Variants in SPTBN4 observed in about 807,000 individuals in gnomAD.
The protein encoded by SPTBN4 is spectrin beta chain, non-erythrocytic 4.
Under a neutral mutation model 277.8 loss-of-function variants are expected in SPTBN4, and 96 were observed. That is an observed-to-expected ratio of 0.35 (90% CI 0.29 to 0.41). The LOEUF is 0.41. Among genes scored for constraint, SPTBN4 ranks in the 10% least tolerant of loss-of-function variants. The pLI is 1.00. For synonymous variants in SPTBN4, 1,481 were observed against 1,580.3 expected (o/e 0.94, Z 1.49); for missense variants, 3,006 against 3,595.7 (o/e 0.84, Z 4.19).
At chr19:40,491,662 C>T (rs1384529630) in intron 4 of SPTBN4, among the ~76,000 whole-genome samples, 1 of 140,788 alleles carries the variant, frequency 7.1e-6, no homozygotes, top group Non-Finnish European at 1.5e-5. Flanking sequence ...GAATGTGAGC[C>T]GAGACCACAC....
At chr19:40,520,348 A>C (rs1050696977) in intron 16 of SPTBN4, among the ~76,000 whole-genome samples, 197 bp downstream of exon 16, 39 of 152,182 alleles carry the variant, frequency 2.6e-4, no homozygotes, top group African/African-American at 9.4e-4. Context: ...GTGTGTATGT[A>C]ACAGAATTTG....
rs192997758 is a variant in SPTBN4 at position 40,515,097 on chromosome 19, T to G, written c.2766-214T>G. On this transcript the variant is annotated intron_variant, in intron 14 of 35. Coordinates refer to ENST00000598249, the MANE Select transcript of SPTBN4 (RefSeq NM_020971.3). The surrounding 1 kb of genome is among the most constrained non-coding windows in gnomAD (Gnocchi z 4.1). ...TCCAGCCTGGGTGACAGAGCGAGAC[T>G]CTGTCTCAATACATACATACATAAA... Among the ~76,000 whole-genome samples, 199 of 152,154 alleles carry G rather than the reference T, an allele frequency of 1.3e-3. No homozygotes were observed. The highest frequency in any genetic ancestry group is 3.4e-3 in the Middle Eastern group (1 of 294).
rs530870873 is a variant in SPTBN4, at chr19:40,565,814, C to T, written c.6139+69C>T. 25 of 1,498,158 alleles carry T rather than the reference C, an allele frequency of 1.7e-5. No individual in the cohort carries two copies. The African/African-American group carries it at 2.9e-4, about 17-fold the overall frequency. The allele number at this position is 1,498,158 out of a possible 1,614,324, so 92.8% of individuals were successfully genotyped here. On this transcript the variant is annotated intron_variant, in intron 29 of 35. Transcript: ENST00000598249. The stretch of plus-strand genomic sequence containing the variant: ...ATGCTCCAGCCTGTCCAGCCAAGGC[C>T]CAGAGGGTGACAGGAGCATGCTTTG...
chr19:40,490,083 C>T lies in SPTBN4; in HGVS notation c.330C>T (p.Pro110=), dbSNP rs371135709. 3.7e-6 allele frequency: 6 copies of T among 1,609,506 alleles called. No individual in the cohort carries two copies. The African/African-American group carries it at 8.0e-5, about 22-fold the overall frequency. ...CGCCCCTGTCGCCCTAGCCCAGGCC[C>T]ACGCGCGGCCGCATGCGGATCCACT... ...EVLSGEQLPR[P]TRGRMRIHSL... The change falls in exon 4 of 36, where the codon CCC becomes CCT. Residue 110 remains proline, a synonymous_variant. Coordinates refer to ENST00000598249, the MANE Select transcript of SPTBN4 (RefSeq NM_020971.3). The surrounding 1 kb of genome is among the most constrained non-coding windows in gnomAD (Gnocchi z 4.3).
At chr19:40,549,447 G>C in intron 21 of SPTBN4, 34 bp downstream of exon 21, 1 of 1,277,108 alleles carries the variant, frequency 7.8e-7, no homozygotes, top group Admixed American at 3.2e-5. Context: ...GGCGGGGCGG[G>C]GCGGGGCGGT....
intron 22 of SPTBN4, among the ~76,000 whole-genome samples, chr19:40,550,758 A>T (rs766050982): frequency 3.3e-5 from 5 of 151,978 alleles, no homozygotes; most frequent in Non-Finnish European, 5.9e-5. Flanking sequence ...GCCTCAAGTG[A>T]TCCACTCGCC....
chr19:40,566,415 C>A, intron 30 of SPTBN4, 56 bp downstream of exon 30: 2 of 1,426,136 alleles, frequency 1.4e-6, no homozygotes, highest in Admixed American at 2.4e-5. Context: ...CCCCCACACC[C>A]ATGGCTCTAT....
chr19:40,544,127 C>CTTTTTTTTTTTT (rs10618096), intron 20 of SPTBN4, among the ~76,000 whole-genome samples: 18 of 128,884 alleles, frequency 1.4e-4, no homozygotes, highest in East Asian at 4.4e-4. Context: ...TCTTCTTCCT[C>CTTTTTTTTTTTT]TTTTTTTTTT....
chr19:40,568,369 A>T, intron 31 of SPTBN4, 87 bp downstream of exon 31: 1 of 1,447,204 alleles, frequency 6.9e-7, no homozygotes, highest in South Asian at 1.5e-5. Flanking sequence ...AAAGGGCTTC[A>T]GGGCTCAGAA....
Position 40,504,148 on chromosome 19 carries a change from CG to C in SPTBN4, c.1665+20del, listed in dbSNP as rs2080296923. ...GGAGATGCAGGTGCCGGCGGGGGGG[CG>C]GGGATGCGGGTGGAGTGCCAGGAGG... On this transcript the variant is annotated intron_variant, in intron 12 of 35. Transcript: ENST00000598249. The C allele has an allele frequency of 3.1e-6, 2 of 645,766 alleles. No homozygotes were observed. The highest frequency in any genetic ancestry group is 7.5e-5 in the African/African-American group (1 of 13,342). 40.0% of individuals were successfully genotyped at this position (645,766 alleles called of 1,614,324 possible).
chr19:40,546,239 AAAG>A (rs1301006869), intron 20 of SPTBN4, among the ~76,000 whole-genome samples: 4 of 151,202 alleles, frequency 2.6e-5, no homozygotes, highest in African/African-American at 7.3e-5. Context: ...AAAAAAAAAA[AAAG>A]AAAGAAAGAA....
At chr19:40,544,613 A>G (rs2080839728) in intron 20 of SPTBN4, among the ~76,000 whole-genome samples, 1 of 150,400 alleles carries the variant, frequency 6.6e-6, no homozygotes, top group Admixed American at 6.6e-5. Flanking sequence ...ACGCCTGGCT[A>G]ATTTTTTGTG....
chr19:40,565,720 C>T lies in SPTBN4; in HGVS notation c.6114C>T (p.Asp2038=). ...TRKEEVSEKW[D]RHWEWLQQML... ...AGGAGGAGGTGTCGGAAAAGTGGGA[C>T]CGCCATTGGGAGTGGCTGCAGCAGA... The change falls in exon 29 of 36, where the codon GAC becomes GAT. Residue 2038 remains aspartate, a synonymous_variant. Coordinates refer to ENST00000598249, the MANE Select transcript of SPTBN4 (RefSeq NM_020971.3). The T allele has an allele frequency of 6.4e-7, 1 of 1,553,520 alleles. No individual in the cohort carries two copies. Among genetic ancestry groups the T allele is most frequent in the Non-Finnish European group, 8.7e-7 (1 of 1,148,216 alleles).
intron 4 of SPTBN4, among the ~76,000 whole-genome samples, chr19:40,491,821 G>A (rs1006251778): frequency 1.3e-5 from 2 of 150,986 alleles, no homozygotes; most frequent in African/African-American, 2.4e-5. Context: ...TCAGGAGTTC[G>A]AGACAAGCCT....
chr19:40,570,527 G>A lies in SPTBN4; in HGVS notation c.7118G>A (p.Arg2373Gln), dbSNP rs929527066. ...PERTPRPDRP[R>Q]ARDRPKPRRR... is the part of the protein sequence containing the mutation. ...CGGACACCTCGGCCGGACCGGCCCC[G>A]GGCGCGGGACCGGCCCAAGCCGCGA... The change falls in exon 33 of 36, where the codon CGG becomes CAG. Residue 2373 changes from arginine (R) to glutamine (Q), a missense_variant. Arg to Gln is a conservative substitution (Grantham distance 43). Coordinates refer to ENST00000598249, the MANE Select transcript of SPTBN4 (RefSeq NM_020971.3). 14 of 1,457,596 alleles carry A rather than the reference G, an allele frequency of 9.6e-6. No individual in the cohort carries two copies. The highest frequency in any genetic ancestry group is 1.5e-5 in the African/African-American group (1 of 67,900). The allele number at this position is 1,457,596 out of a possible 1,614,324, so 90.3% of individuals were successfully genotyped here. A position where few individuals can be genotyped will look rare whatever the true frequency, so the allele number is the denominator to read the frequency against.
At chr19:40,571,881 G>C in intron 33 of SPTBN4, 138 bp from the exon 34 acceptor site, 1 of 959,520 alleles carries the variant, frequency 1.0e-6, no homozygotes, top group East Asian at 2.7e-5. Context: ...GAGCATTTTA[G>C]GTCCAACTAG....
At position 40,496,650 on chromosome 19, in the gene SPTBN4, A is replaced by G. The variant is rs111567584; in HGVS notation, c.669-839A>G. ...CACAGAGAAACGCAGTAGCTCACCT[A>G]GAGTGACACAACCAGGATATGACCA... On this transcript the variant is annotated intron_variant, in intron 6 of 35. Transcript: ENST00000598249. Among the ~76,000 whole-genome samples, 866 of 152,342 alleles carry G rather than the reference A, an allele frequency of 5.7e-3. 8 individuals are homozygous for G. The highest frequency in any genetic ancestry group is 0.02 in the African/African-American group (840 of 41,582).
chr19:40,494,357 C>T (rs971602249), intron 5 of SPTBN4, among the ~76,000 whole-genome samples: 1 of 150,584 alleles, frequency 6.6e-6, no homozygotes, highest in South Asian at 2.1e-4. Context: ...TTTCTCTCTC[C>T]TCTCCTTTCC....
intron 16 of SPTBN4, among the ~76,000 whole-genome samples, chr19:40,521,681 T>G (rs1214884666): frequency 6.6e-6 from 1 of 152,188 alleles, no homozygotes; most frequent in Non-Finnish European, 1.5e-5. Context: ...TAACAGGCGA[T>G]GGACTAGTAC....
Sources: allele counts gnomAD v4.1 joint callset (sites outside exome capture counted in the v4.1 genomes callset), GRCh38; gene constraint gnomAD v4.1.1; non-coding constraint Gnocchi (gnomAD v3.1); transcripts MANE v1.5; gene names NCBI Gene and HGNC (gene_info 2026-07-23, HGNC 2026-07-21).